The following INTS1 variants were observed in gnomAD, a reference collection of about 807,000 sequenced individuals.
The protein encoded by INTS1 is integrator complex subunit 1.
A neutral mutation model predicts 241.6 loss-of-function variants in INTS1; 137 were observed. The ratio of observed to expected loss-of-function variants is 0.57; its 90% CI spans 0.49 to 0.65. The LOEUF (loss-of-function observed/expected upper bound fraction) is 0.65, where lower values mean the gene tolerates loss of function less well. Among genes scored for constraint, INTS1 ranks in the 30% least tolerant of loss-of-function variants. The probability of loss-of-function intolerance (pLI) is 0.00; values close to 1 mark genes in which losing one functional copy is unlikely to be tolerated. For missense variants in INTS1, 3,073 were observed against 3,032.2 expected, an observed-to-expected ratio of 1.01 and a Z score of -0.32; for synonymous variants, 1,692 against 1,337.8, an observed-to-expected ratio of 1.26 and a Z score of -5.78.
At chr7:1,499,809 C>A (rs1359420983) in intron 5 of INTS1, 75 bp downstream of exon 5, 10 of 1,530,238 alleles carry the variant, frequency 6.5e-6, no homozygotes, top group Non-Finnish European at 8.8e-6. Context: ...AGAGAACACA[C>A]TTCTGCTTTT....
Position 1,474,217 on chromosome 7 carries a change from T to C in INTS1, c.5780A>G (p.His1927Arg). 1 of 1,595,506 alleles carries C rather than the reference T, an allele frequency of 6.3e-7. No individual in the cohort carries two copies. The highest frequency in any genetic ancestry group is 8.5e-7 in the Non-Finnish European group (1 of 1,172,290). The change falls in exon 41 of 48, where the codon CAC (histidine) becomes CGC (arginine). Residue 1927 changes from histidine (H) to arginine (R), a missense_variant. Transcript: ENST00000404767. The part of the protein sequence containing the change: ...LLQPHVFRSE[H>R]QGALWDCLLS... ...AAGGCAGTCCCACAGCGCCCCCTGG[T>C]GCTCGCTGCGGAACACGTGCGGCTG... is the stretch of plus-strand genomic sequence containing the variant.
intron 31 of INTS1, 91 bp from the exon 32 acceptor site, chr7:1,478,976 G>T (rs1482485462): frequency 1.4e-6 from 2 of 1,395,072 alleles, no homozygotes; most frequent in Non-Finnish European, 1.9e-6. Flanking sequence ...TGAGGCTGCT[G>T]AGACCTGCCG....
At position 1,499,866 on chromosome 7, in the gene INTS1, C is replaced by T. The variant is rs771906051; in HGVS notation, c.684+18G>A. 1.9e-6 allele frequency: 3 copies of T among 1,608,448 alleles called. No homozygotes were observed. The highest frequency in any genetic ancestry group is 2.5e-6 in the Non-Finnish European group (3 of 1,176,664). On this transcript the variant is annotated intron_variant, in intron 5 of 47. Coordinates refer to ENST00000404767, the MANE Select transcript of INTS1 (RefSeq NM_001080453.3). The stretch of plus-strand genomic sequence containing the variant: ...GTGGCGCTCTGCCATCTTCACCGTC[C>T]CGGGAGAGGACGCTCACCTTGACAA...
chr7:1,500,323 C>A lies in INTS1; in HGVS notation c.393G>T (p.Leu131=), dbSNP rs781447597. 5 of 1,590,382 alleles carry A rather than the reference C, an allele frequency of 3.1e-6. No individual in the cohort carries two copies. In the East Asian group the frequency reaches 1.1e-4, roughly 36 times the overall value. The change falls in exon 4 of 48, where the codon CTG becomes CTT. Residue 131 remains leucine, a synonymous_variant. Transcript: ENST00000404767. Reference sequence around the variant, plus strand: ...CCTCGATCCTGTCATCGTTGCCCTCCAGCTCGGCCGCCTCGATCTCATCCA... The same window carrying A: ...CCTCGATCCTGTCATCGTTGCCCTCAAGCTCGGCCGCCTCGATCTCATCCA... ...VLLDEIEAAE[L]EGNDDRIEGV...
At position 1,499,541 on chromosome 7, in the gene INTS1, G is replaced by A; in HGVS notation, c.776C>T (p.Thr259Ile). The change falls in exon 6 of 48, where the codon ACC becomes ATC. Residue 259 changes from threonine (T) to isoleucine (I), a missense_variant. By Grantham distance (89) the Thr-to-Ile change is moderately conservative. Transcript: ENST00000404767. ...FVDNIQTAFN[T>I]RMPPRSVLLQ... Reference sequence around the variant, plus strand: ...CAGCACGCTCCTGGGGGGCATTCTGGTGTTGAAGGCCGTCTGGATGTTGTC... The same window carrying A: ...CAGCACGCTCCTGGGGGGCATTCTGATGTTGAAGGCCGTCTGGATGTTGTC... 6.2e-7 allele frequency: 1 copy of A among 1,613,306 alleles called. No homozygotes were observed. The highest frequency in any genetic ancestry group is 8.5e-7 in the Non-Finnish European group (1 of 1,179,622).
rs1447359146 is a variant in INTS1 at position 1,472,257 on chromosome 7, G to C, written c.6184+16C>G. On this transcript the variant is annotated intron_variant, in intron 44 of 47. Coordinates refer to ENST00000404767, the MANE Select transcript of INTS1 (RefSeq NM_001080453.3). ...AGGGCGCTGACCTGGCGTGGGTGAA[G>C]CAGGGCCTGACTCACCCTCCACCGT... The C allele has an allele frequency of 1.3e-6, 2 of 1,528,374 alleles. No homozygotes were observed. The highest frequency in any genetic ancestry group is 1.8e-6 in the Non-Finnish European group (2 of 1,127,136). 94.7% of individuals were successfully genotyped at this position (1,528,374 alleles called of 1,614,324 possible). A position where few individuals can be genotyped will look rare whatever the true frequency, so the allele number is the denominator to read the frequency against.
In INTS1 at chr7:1,473,669, G is replaced by C. The variant is rs1156723485; in HGVS notation, c.5854C>G (p.Leu1952Val). The change falls in exon 42 of 48, where the codon CTG becomes GTG. Residue 1952 changes from leucine (L) to valine (V), a missense_variant. Leu to Val is a conservative substitution (Grantham distance 32, BLOSUM62 1). Transcript: ENST00000404767. Reference protein sequence around the residue: ...LLNYRKSSRHLAAFINKFVQF... With the variant: ...LLNYRKSSRHVAAFINKFVQF... ...ACAAACTTGTTGATGAAGGCAGCCA[G>C]ATGGCGGGAGGACTTCCTGTAATTC... 6.2e-7 allele frequency: 1 copy of C among 1,613,378 alleles called. No homozygotes were observed. Among genetic ancestry groups the C allele is most frequent in the Admixed American group, 1.7e-5 (1 of 60,024 alleles).
chr7:1,478,679 CCT>C (rs745806363), intron 32 of INTS1, 45 bp downstream of exon 32: 20 of 1,509,758 alleles, frequency 1.3e-5, no homozygotes, highest in Non-Finnish European at 1.7e-5. Flanking sequence ...TGAGTGAGCC[CCT>C]GTCCAGTGCC....
intron 17 of INTS1, 84 bp downstream of exon 17, chr7:1,489,507 C>T (rs1782447202): frequency 1.3e-6 from 2 of 1,533,276 alleles, no homozygotes; most frequent in Non-Finnish European, 1.8e-6. Context: ...TGGGCTCATC[C>T]CAAGTCCCAA....
chr7:1,498,899 G>A (rs1280637190), intron 8 of INTS1, 47 bp from the exon 9 acceptor site: 7 of 1,554,734 alleles, frequency 4.5e-6, no homozygotes, highest in Non-Finnish European at 6.1e-6. Context: ...ACCCCGGCAG[G>A]AAGACCACGC....
In INTS1 at chr7:1,474,338, G is replaced by GCGC; in HGVS notation, c.5656_5658dup (p.Ala1886dup). ...TTGAGGTGGGTGCGGCCGTGCAGGAGCGCCGCGATCATGGGCAGGTGCCTG... is the reference window on the plus strand; with the variant it reads ...TTGAGGTGGGTGCGGCCGTGCAGGAGCGCCGCCGCGATCATGGGCAGGTGCCTG... On this transcript the variant is annotated inframe_insertion, in exon 41 of 48. Coordinates refer to ENST00000404767, the MANE Select transcript of INTS1 (RefSeq NM_001080453.3). 4 of 1,602,718 alleles carry GCGC rather than the reference G, an allele frequency of 2.5e-6. No homozygotes were observed. The highest frequency in any genetic ancestry group is 3.4e-6 in the Non-Finnish European group (4 of 1,176,272).
At chr7:1,483,221 C>T (rs1290143554) in intron 26 of INTS1, 1 of 216,254 alleles carries the variant, frequency 4.6e-6, no homozygotes, top group East Asian at 1.2e-4. Flanking sequence ...ACGGGGTGAA[C>T]GTGGGAGCAG....
chr7:1,483,100 C>T, intron 26 of INTS1: 1 of 231,030 alleles, frequency 4.3e-6, no homozygotes, highest in East Asian at 1.1e-4. Flanking sequence ...CTGCCCTTCC[C>T]AAGGGCGACG....
At chr7:1,475,726 A>C (rs903100375) in intron 39 of INTS1, among the ~76,000 whole-genome samples, 3 of 152,240 alleles carry the variant, frequency 2.0e-5, no homozygotes, top group African/African-American at 7.2e-5. Flanking sequence ...CCCAGTGCCC[A>C]CAACACCACG....
chr7:1,502,525 A>T (rs1021429816), intron 3 of INTS1, among the ~76,000 whole-genome samples: 1 of 152,198 alleles, frequency 6.6e-6, no homozygotes. Flanking sequence ...GCCTCCGCTC[A>T]GGTTGAGAGA....
rs535942987 is a variant in INTS1 at position 1,498,896 on chromosome 7, C to G, written c.1138-44G>C. On this transcript the variant is annotated intron_variant, in intron 8 of 47. Transcript: ENST00000404767. ...AGCAGTGGGCTCACGGCCACCCCGGCAGGAAGACCACGCTGTGGGGCCACA... is the reference window on the plus strand; with the variant it reads ...AGCAGTGGGCTCACGGCCACCCCGGGAGGAAGACCACGCTGTGGGGCCACA... The G allele has an allele frequency of 8.4e-5, 131 of 1,556,764 alleles. No homozygotes were observed. In the East Asian group the frequency reaches 2.6e-3, roughly 30 times the overall value.
chr7:1,495,593 G>A lies in INTS1; in HGVS notation c.1712-40C>T, dbSNP rs1222218378. ...CAGCTTAGTGGCCCATCCGAGCCAT[G>A]GGCCATGAGGGGCTAAGGCACCCCT... On this transcript the variant is annotated intron_variant, in intron 12 of 47. Coordinates refer to ENST00000404767, the MANE Select transcript of INTS1 (RefSeq NM_001080453.3). The A allele has an allele frequency of 2.5e-6, 4 of 1,583,544 alleles. No homozygotes were observed. In the East Asian group the frequency reaches 9.2e-5, roughly 36 times the overall value.
intron 32 of INTS1, 66 bp from the exon 33 acceptor site, chr7:1,478,572 G>T: frequency 6.4e-7 from 1 of 1,562,932 alleles, no homozygotes; most frequent in Non-Finnish European, 8.7e-7. Context: ...TCCCATCCAG[G>T]GAGGCCCCAC....
chr7:1,479,037 C>T (rs754931151), intron 31 of INTS1, among the ~76,000 whole-genome samples, 152 bp from the exon 32 acceptor site: 37 of 152,338 alleles, frequency 2.4e-4, no homozygotes, highest in Non-Finnish European at 4.4e-4. Flanking sequence ...CTGTCTGAAA[C>T]GGTGCCTCCC....
Sources: allele counts gnomAD v4.1 joint callset (sites outside exome capture counted in the v4.1 genomes callset), GRCh38; gene constraint gnomAD v4.1.1; transcripts MANE v1.5; gene names NCBI Gene and HGNC (gene_info 2026-07-23, HGNC 2026-07-21).